TAMALIN: variants seen among roughly 807,000 people sequenced by gnomAD.
The protein encoded by TAMALIN is protein TAMALIN.
In TAMALIN, 9 loss-of-function variants were observed where a neutral mutation model predicts 38.5. The ratio of observed to expected loss-of-function variants is 0.23; its 90% CI spans 0.14 to 0.41. The LOEUF (loss-of-function observed/expected upper bound fraction) is 0.41. TAMALIN is among the 10% of genes least tolerant of loss of function. The pLI is 1.00. For missense variants in TAMALIN, 548 were observed against 554.1 expected (o/e 0.99, Z 0.11); for synonymous variants, 306 against 256.5 (o/e 1.19, Z -1.85).
chr12:52,012,500 C>T (rs902867014), intron 4 of TAMALIN, among the ~76,000 whole-genome samples: 15 of 152,114 alleles, frequency 9.9e-5, no homozygotes, highest in African/African-American at 3.4e-4. Context: ...GTGATCCACC[C>T]GCCTCGGCCT....
Position 52,014,161 on chromosome 12 carries a change from G to A in TAMALIN, c.642G>A (p.Glu214=), listed in dbSNP as rs1205673445. The change falls in exon 7 of 8, where the codon GAG becomes GAA. Residue 214 remains glutamate (E), a synonymous_variant. Coordinates refer to ENST00000293662, the MANE Select transcript of TAMALIN (RefSeq NM_181711.4). ...AAACCCTGTATGAGAAGTGGGGAGA[G>A]TACAGGTCCCTAATGGTGCAGGAGC... is the stretch of plus-strand genomic sequence containing the variant. ...LKQTLYEKWG[E]YRSLMVQEQR... 4.4e-6 allele frequency: 7 copies of A among 1,604,848 alleles called. No individual in the cohort carries two copies. Among genetic ancestry groups the A allele is most frequent in the Non-Finnish European group, 5.1e-6 (6 of 1,175,450 alleles).
Position 52,014,822 on chromosome 12 carries a change from G to C in TAMALIN, c.811G>C (p.Gly271Arg). 1 of 1,326,400 alleles carries C rather than the reference G, an allele frequency of 7.5e-7. No homozygotes were observed. Among genetic ancestry groups the C allele is most frequent in the South Asian group, 1.8e-5 (1 of 55,802 alleles). The allele number at this position is 1,326,400 out of a possible 1,614,324, so 82.2% of individuals were successfully genotyped here. The change falls in exon 8 of 8, where the codon GGA (glycine) becomes CGA (arginine). Residue 271 changes from glycine (G) to arginine (R), a missense_variant. Physicochemically the swap from Gly to Arg is moderately radical, Grantham distance 125. Transcript: ENST00000293662. Reference sequence around the variant, plus strand: ...GCTCGCCGTGCCCGGGCGTCCCCGCGGAGGCGCCCGACGGGCCAGGGGCGA... The same window carrying C: ...GCTCGCCGTGCCCGGGCGTCCCCGCCGAGGCGCCCGACGGGCCAGGGGCGA... Reference protein sequence around the residue: ...PLLAVPGRPRGGARRARGDAD... With the variant: ...PLLAVPGRPRRGARRARGDAD...
chr12:52,014,310 C>A, intron 7 of TAMALIN, 109 bp downstream of exon 7: 1 of 913,720 alleles, frequency 1.1e-6, no homozygotes, highest in Non-Finnish European at 1.8e-6. Context: ...TACTAGTAAA[C>A]CTCCACAGTA....
chr12:52,013,479 CA>C (rs1415294832), intron 4 of TAMALIN: 3 of 576,672 alleles, frequency 5.2e-6, no homozygotes, highest in Non-Finnish European at 6.2e-6. Flanking sequence ...ACTACAGGCC[CA>C]CAAGAATGGC....
rs528916799 is a variant in TAMALIN at position 52,013,400 on chromosome 12, G to A, written c.455-287G>A. The A allele has an allele frequency of 1.0e-5, 4 of 390,736 alleles. No homozygotes were observed. The South Asian group carries it at 1.3e-4, about 13-fold the overall frequency. 24.2% of individuals were successfully genotyped at this position (390,736 alleles called of 1,614,324 possible). ...CCGGACAGAACTTCTTGAGGGCAGA[G>A]TGAGGGTGTTGGGTGTGTGAGGTCC... On this transcript the variant is annotated intron_variant, in intron 4 of 7. Transcript: ENST00000293662.
In TAMALIN at chr12:52,007,822, C is replaced by T; in HGVS notation, c.246+557C>T. 1.0e-6 allele frequency: 1 copy of T among 985,406 alleles called. No individual in the cohort carries two copies. Among genetic ancestry groups the T allele is most frequent in the East Asian group, 1.1e-4 (1 of 8,792 alleles). 61.0% of individuals were successfully genotyped at this position (985,406 alleles called of 1,614,324 possible). On this transcript the variant is annotated intron_variant, in intron 1 of 7. Coordinates refer to ENST00000293662, the MANE Select transcript of TAMALIN (RefSeq NM_181711.4). The surrounding 1 kb of genome is among the most constrained non-coding windows in gnomAD (Gnocchi z 6.7). ...GGCCCCACGTCTGACGTACGGGGCG[C>T]GAGGGCCACTGCTCCCTGGACTTCT...
rs1937782777 is a variant in TAMALIN, at chr12:52,015,274, A to G, written c.*75A>G. ...CGCTAAAAGAGGGGGAGGCCGAGCC[A>G]AGAGGACCCCAGGAGCCCAGAGCAG... On this transcript the variant is annotated 3_prime_UTR_variant, in exon 8 of 8. Transcript: ENST00000293662. The G allele has an allele frequency of 6.9e-7, 1 of 1,459,522 alleles. No homozygotes were observed. The highest frequency in any genetic ancestry group is 9.0e-7 in the Non-Finnish European group (1 of 1,107,472). The allele number at this position is 1,459,522 out of a possible 1,614,324, so 90.4% of individuals were successfully genotyped here.
At position 52,007,158 on chromosome 12, in the gene TAMALIN, A is replaced by G; in HGVS notation, c.139A>G (p.Thr47Ala). 6.7e-7 allele frequency: 1 copy of G among 1,490,026 alleles called. No individual in the cohort carries two copies. 92.3% of individuals were successfully genotyped at this position (1,490,026 alleles called of 1,614,324 possible). ...PTPGPPAAAATPGPPADELYA... is the reference protein window; with the variant it reads ...PTPGPPAAAAAPGPPADELYA... ...CCCGGGACCCCCTGCCGCAGCCGCCACCCCTGGGCCCCCAGCGGACGAGCT... is the reference window on the plus strand; with the variant it reads ...CCCGGGACCCCCTGCCGCAGCCGCCGCCCCTGGGCCCCCAGCGGACGAGCT... The change falls in exon 1 of 8, where the codon ACC becomes GCC. Residue 47 changes from threonine to alanine, a missense_variant. Thr to Ala is a moderately conservative substitution (Grantham distance 58). Coordinates refer to ENST00000293662, the MANE Select transcript of TAMALIN (RefSeq NM_181711.4). The surrounding 1 kb of genome is among the most constrained non-coding windows in gnomAD (Gnocchi z 6.7).
intron 1 of TAMALIN, chr12:52,008,131 G>A: frequency 1.0e-6 from 1 of 985,410 alleles, no homozygotes; most frequent in Non-Finnish European, 1.2e-6. Flanking sequence ...GGGTCTCTCT[G>A]TGCTGCCCAG....
At position 52,007,013 on chromosome 12, in the gene TAMALIN, C is replaced by G. The variant is rs374189430; in HGVS notation, c.-7C>G. 1.2e-3 allele frequency: 1,612 copies of G among 1,386,282 alleles called. 1 individual carries two copies. The highest frequency in any genetic ancestry group is 1.6e-3 in the Admixed American group (44 of 27,922). 85.9% of individuals were successfully genotyped at this position (1,386,282 alleles called of 1,614,324 possible). ...GCCGTCTCTGAGGGGCGTCCGGCGC[C>G]GGAGCCATGACCCTCCGCCGACTCA... On this transcript the variant is annotated 5_prime_UTR_variant, in exon 1 of 8. Coordinates refer to ENST00000293662, the MANE Select transcript of TAMALIN (RefSeq NM_181711.4). The surrounding 1 kb of genome is among the most constrained non-coding windows in gnomAD (Gnocchi z 6.7).
chr12:52,015,389 T>G lies in TAMALIN; in HGVS notation c.*190T>G. ...GTGGGGGGCCCAGCCCCTTCTCTTC[T>G]CCCCCGCCAAACCACAGTGGGAGCT... On this transcript the variant is annotated 3_prime_UTR_variant, in exon 8 of 8. Coordinates refer to ENST00000293662, the MANE Select transcript of TAMALIN (RefSeq NM_181711.4). The G allele has an allele frequency of 3.2e-6, 2 of 632,320 alleles. No individual in the cohort carries two copies. The highest frequency in any genetic ancestry group is 4.9e-6 in the Non-Finnish European group (2 of 406,644). 39.2% of individuals were successfully genotyped at this position (632,320 alleles called of 1,614,324 possible).
rs550243178 is a variant in TAMALIN, at chr12:52,008,188, A to G, written c.246+923A>G. 1.2e-4 allele frequency: 114 copies of G among 985,414 alleles called. No homozygotes were observed. In the Admixed American group the frequency reaches 1.2e-3, roughly 11 times the overall value. 61.0% of individuals were successfully genotyped at this position (985,414 alleles called of 1,614,324 possible). Reference sequence around the variant, plus strand: ...GGAACTGTCCCCACCCCTGAGGCCAATCTGGTTCTGAACCTTCTCTTCCTT... The same window carrying G: ...GGAACTGTCCCCACCCCTGAGGCCAGTCTGGTTCTGAACCTTCTCTTCCTT... On this transcript the variant is annotated intron_variant, in intron 1 of 7. Coordinates refer to ENST00000293662, the MANE Select transcript of TAMALIN (RefSeq NM_181711.4).
chr12:52,008,464 G>C (rs1392425552), intron 1 of TAMALIN: 8 of 973,960 alleles, frequency 8.2e-6, no homozygotes, highest in Non-Finnish European at 9.7e-6. Context: ...AGTGAGACTT[G>C]CTGACAAGTT....
intron 1 of TAMALIN, chr12:52,008,525 G>A: frequency 1.0e-6 from 1 of 985,280 alleles, no homozygotes; most frequent in Non-Finnish European, 1.2e-6. Flanking sequence ...TGGCAATGGA[G>A]AGAGAGACCC....
chr12:52,010,379 G>A, intron 2 of TAMALIN: 2 of 356,786 alleles, frequency 5.6e-6, no homozygotes, highest in Non-Finnish European at 8.0e-6. Flanking sequence ...GGAAGGGGCG[G>A]CCTCGAGGCT....
At chr12:52,008,177 C>G (rs1942445968) in intron 1 of TAMALIN, 2 of 985,294 alleles carry the variant, frequency 2.0e-6, no homozygotes, top group African/African-American at 3.5e-5. Context: ...CTGTCCCCAC[C>G]CCTGAGGCCA....
chr12:52,007,559 GC>G lies in TAMALIN; in HGVS notation c.246+300del. On this transcript the variant is annotated intron_variant, in intron 1 of 7. Coordinates refer to ENST00000293662, the MANE Select transcript of TAMALIN (RefSeq NM_181711.4). This position sits in a 1 kb window ranked among gnomAD's most constrained non-coding sequence, Gnocchi z 6.7. ...TCCTACCCGCTCCATCTGGCTTTCTGCCCCCCATGCCCCGCCTCCCCGTGGC... is the reference window on the plus strand; with the variant it reads ...TCCTACCCGCTCCATCTGGCTTTCTGCCCCCATGCCCCGCCTCCCCGTGGC... The G allele has an allele frequency of 9.2e-6, 9 of 983,068 alleles. No individual in the cohort carries two copies. The highest frequency in any genetic ancestry group is 1.1e-5 in the Non-Finnish European group (9 of 828,326). The allele number at this position is 983,068 out of a possible 1,614,324, so 60.9% of individuals were successfully genotyped here. A position where few individuals can be genotyped will look rare whatever the true frequency, so the allele number is the denominator to read the frequency against.
rs1344608373 is a variant in TAMALIN at position 52,015,360 on chromosome 12, G to A, written c.*161G>A. The A allele has an allele frequency of 4.7e-6, 4 of 845,890 alleles. No individual in the cohort carries two copies. In the Admixed American group the frequency reaches 1.0e-4, roughly 22 times the overall value. 52.4% of individuals were successfully genotyped at this position (845,890 alleles called of 1,614,324 possible). On this transcript the variant is annotated 3_prime_UTR_variant, in exon 8 of 8. Coordinates refer to ENST00000293662, the MANE Select transcript of TAMALIN (RefSeq NM_181711.4). Reference sequence around the variant, plus strand: ...TCGGTTCCTGGCTGGTGTCTGCTGAGGGAGTGGGGGGCCCAGCCCCTTCTC... The same window carrying A: ...TCGGTTCCTGGCTGGTGTCTGCTGAAGGAGTGGGGGGCCCAGCCCCTTCTC...
In TAMALIN at chr12:52,013,937, C is replaced by T. The variant is rs773954230; in HGVS notation, c.609C>T (p.Tyr203=). The T allele has an allele frequency of 3.7e-6, 6 of 1,613,960 alleles. No homozygotes were observed. The highest frequency in any genetic ancestry group is 5.1e-6 in the Non-Finnish European group (6 of 1,179,906). ...RKAELEARLQ[Y]LKQTLYEKWG... ...CAGAACTGGAGGCTCGTCTGCAGTA[C>T]CTGAAGGTAGGGGAACCTAGATAAC... The change falls in exon 6 of 8, where the codon TAC becomes TAT. Residue 203 remains tyrosine (Y), a synonymous_variant. Coordinates refer to ENST00000293662, the MANE Select transcript of TAMALIN (RefSeq NM_181711.4).
Sources: allele counts gnomAD v4.1 joint callset (sites outside exome capture counted in the v4.1 genomes callset), GRCh38; gene constraint gnomAD v4.1.1; non-coding constraint Gnocchi (gnomAD v3.1); transcripts MANE v1.5; gene names NCBI Gene and HGNC (gene_info 2026-07-23, HGNC 2026-07-21).